DCAF11: variants seen among roughly 807,000 people sequenced by gnomAD.
DCAF11 encodes the protein DDB1- and CUL4-associated factor 11.
In DCAF11, 44 loss-of-function variants were observed where a neutral mutation model predicts 76.1. The observed-to-expected ratio is 0.58, with a 90% CI of 0.45 to 0.74. The LOEUF (loss-of-function observed/expected upper bound fraction) is 0.74, where lower values mean the gene tolerates loss of function less well. DCAF11 is among the 30% of genes least tolerant of loss of function. DCAF11 has a pLI of 0.00. For synonymous variants in DCAF11, 258 were observed against 255.0 expected, an observed-to-expected ratio of 1.01 and a Z score of -0.11; for missense variants, 604 against 709.4, an observed-to-expected ratio of 0.85 and a Z score of 1.69.
At chr14:24,121,213 C>A in intron 12 of DCAF11, 152 bp from the exon 13 acceptor site, 1 of 1,168,416 alleles carries the variant, frequency 8.6e-7, no homozygotes, top group Non-Finnish European at 1.2e-6. Flanking sequence ...ATATTGGAGA[C>A]TGTCCACTGA....
Position 24,122,932 on chromosome 14 carries a change from T to C in DCAF11, c.1400-39T>C, listed in dbSNP as rs763715072. ...GGAGGTGAGGGATAGTTTAGATGTC[T>C]TGTGGTGGTCCCTCTCCACTCTTGC... On this transcript the variant is annotated intron_variant, in intron 13 of 14. Transcript: ENST00000446197. 1.9e-6 allele frequency: 3 copies of C among 1,589,434 alleles called. No individual in the cohort carries two copies. In the African/African-American group the frequency reaches 4.0e-5, roughly 21 times the overall value.
In DCAF11 at chr14:24,117,823, G is replaced by A. The variant is rs2037611285; in HGVS notation, c.476+91G>A. On this transcript the variant is annotated intron_variant, in intron 5 of 14. Transcript: ENST00000446197. This position sits in a 1 kb window ranked among gnomAD's most constrained non-coding sequence, Gnocchi z 4.3. ...GGGTAGGTGTTAAAGGAGCCTCAGAGATATTAAAGGTTAGGTTAAATGGGG... is the reference window on the plus strand; with the variant it reads ...GGGTAGGTGTTAAAGGAGCCTCAGAAATATTAAAGGTTAGGTTAAATGGGG... 1.5e-6 allele frequency: 2 copies of A among 1,340,336 alleles called. No individual in the cohort carries two copies. Among genetic ancestry groups the A allele is most frequent in the South Asian group, 1.3e-5 (1 of 79,038 alleles). 83.0% of individuals were successfully genotyped at this position (1,340,336 alleles called of 1,614,324 possible).
At position 24,120,990 on chromosome 14, in the gene DCAF11, A is replaced by T. The variant is rs143106541; in HGVS notation, c.1245A>T (p.Lys415Asn). ...WDYRWQQVPK[K>N]AWRKLKLPGD... ...ATCGGTGGCAGCAAGTGCCCAAAAA[A>T]GGTGAGACTGGAAGTACAGGCACAG... The change falls in exon 12 of 15, where the codon AAA (lysine) becomes AAT (asparagine). Residue 415 changes from lysine (K) to asparagine (N), a missense_variant and splice_region_variant. Lys to Asn is a moderately conservative substitution (Grantham distance 94). Transcript: ENST00000446197. 3.9e-5 allele frequency: 63 copies of T among 1,614,026 alleles called. No homozygotes were observed. The highest frequency in any genetic ancestry group is 1.6e-4 in the Middle Eastern group (1 of 6,066).
Position 24,124,542 on chromosome 14 carries a change from C to T in DCAF11, c.*1233C>T, listed in dbSNP as rs2037746578. On this transcript the variant is annotated 3_prime_UTR_variant, in exon 15 of 15. Coordinates refer to ENST00000446197, the MANE Select transcript of DCAF11 (RefSeq NM_025230.5). ...CTAAGGCAGTTTTTAAATGAAGGTACACACATCCAGGGGTGTTCACAGGCT... is the reference window on the plus strand; with the variant it reads ...CTAAGGCAGTTTTTAAATGAAGGTATACACATCCAGGGGTGTTCACAGGCT... 2 of 152,260 alleles carry T rather than the reference C, an allele frequency of 1.3e-5. No individual in the cohort carries two copies. Among genetic ancestry groups the T allele is most frequent in the Admixed American group, 1.3e-4 (2 of 15,290 alleles). The allele number at this position is 152,260 out of a possible 1,614,324, so 9.4% of individuals were successfully genotyped here.
At position 24,122,976 on chromosome 14, in the gene DCAF11, G is replaced by A. The variant is rs143139674; in HGVS notation, c.1405G>A (p.Asp469Asn). The change falls in exon 14 of 15, where the codon GAC becomes AAC. Residue 469 changes from aspartate to asparagine, a missense_variant. Physicochemically the swap from Asp to Asn is conservative, Grantham distance 23. Transcript: ENST00000446197. Reference sequence around the variant, plus strand: ...CTCTTGCCTGTCCTGGACAGTGTACGACCTTCTAAGTGGCCACATTGTGAA... The same window carrying A: ...CTCTTGCCTGTCCTGGACAGTGTACAACCTTCTAAGTGGCCACATTGTGAA... ...GCSTGKVVVY[D>N]LLSGHIVKKL... 206 of 1,614,100 alleles carry A rather than the reference G, an allele frequency of 1.3e-4. No individual in the cohort carries two copies. In the Middle Eastern group the frequency reaches 1.3e-3, roughly 10 times the overall value.
At chr14:24,118,198 G>A in intron 6 of DCAF11, 43 bp downstream of exon 6, 1 of 1,582,988 alleles carries the variant, frequency 6.3e-7, no homozygotes, top group Non-Finnish European at 8.7e-7. Flanking sequence ...CCTGGAACAT[G>A]GGACATTCCC....
chr14:24,115,559 C>G lies in DCAF11; in HGVS notation c.-36C>G, dbSNP rs768025696. ...AAACCCAAGGAGGTGACAGGAGGAG[C>G]CCCCGCACAGGACCTAAGAATGCTG... On this transcript the variant is annotated 5_prime_UTR_variant, in exon 2 of 15. Coordinates refer to ENST00000446197, the MANE Select transcript of DCAF11 (RefSeq NM_025230.5). 1 of 1,579,086 alleles carries G rather than the reference C, an allele frequency of 6.3e-7. No homozygotes were observed. The highest frequency in any genetic ancestry group is 8.6e-7 in the Non-Finnish European group (1 of 1,163,136).
chr14:24,121,063 C>T, intron 12 of DCAF11, 72 bp downstream of exon 12: 3 of 1,575,502 alleles, frequency 1.9e-6, no homozygotes, highest in Non-Finnish European at 2.6e-6. Flanking sequence ...CCCCTCAGCC[C>T]TCTTTGCCAG....
Position 24,123,455 on chromosome 14 carries a change from C to A in DCAF11, c.*146C>A. On this transcript the variant is annotated 3_prime_UTR_variant, in exon 15 of 15. Transcript: ENST00000446197. ...CCTGGGCTCTGAGCCTCAGCTGAGC[C>A]CTGGAAGATTCTCCCCATGGGGCAG... 7.8e-7 allele frequency: 1 copy of A among 1,278,078 alleles called. No individual in the cohort carries two copies. Among genetic ancestry groups the A allele is most frequent in the Non-Finnish European group, 1.0e-6 (1 of 977,646 alleles). The allele number at this position is 1,278,078 out of a possible 1,614,324, so 79.2% of individuals were successfully genotyped here.
chr14:24,115,577 G>A lies in DCAF11; in HGVS notation c.-18G>A, dbSNP rs1205498292. 2 of 1,607,134 alleles carry A rather than the reference G, an allele frequency of 1.2e-6. No individual in the cohort carries two copies. The highest frequency in any genetic ancestry group is 2.2e-5 in the South Asian group (2 of 90,112). On this transcript the variant is annotated 5_prime_UTR_variant, in exon 2 of 15. Transcript: ENST00000446197. ...GGAGGAGCCCCCGCACAGGACCTAA[G>A]AATGCTGTGACCAGAAGATGGGATC...
rs1174881258 is a variant in DCAF11 at position 24,115,667 on chromosome 14, G to A, written c.73G>A (p.Ala25Thr). 1.2e-6 allele frequency: 2 copies of A among 1,613,774 alleles called. No individual in the cohort carries two copies. Among genetic ancestry groups the A allele is most frequent in the Non-Finnish European group, 1.7e-6 (2 of 1,180,002 alleles). ...CTCCGAGGGCTTGCCCCGAAGAGGG[G>A]CTGGCCTGCGTCGGAGTGAGGAAGA... ...DPSEGLPRRGAGLRRSEEEEE... is the reference protein window; with the variant it reads ...DPSEGLPRRGTGLRRSEEEEE... The change falls in exon 2 of 15, where the codon GCT becomes ACT. Residue 25 changes from alanine to threonine, a missense_variant. Transcript: ENST00000446197.
intron 13 of DCAF11, 66 bp from the exon 14 acceptor site, chr14:24,122,905 G>A: frequency 1.4e-6 from 2 of 1,450,080 alleles, no homozygotes; most frequent in South Asian, 2.5e-5. Flanking sequence ...TGCTACTCAT[G>A]GGGAGGTGAG....
intron 2 of DCAF11, among the ~76,000 whole-genome samples, chr14:24,116,128 G>A (rs1029624037): frequency 6.6e-6 from 1 of 151,822 alleles, no homozygotes; most frequent in East Asian, 1.9e-4. Flanking sequence ...TTTTAGTAAG[G>A]CAGTTGACAC....
intron 8 of DCAF11, 169 bp from the exon 9 acceptor site, chr14:24,118,975 AG>A (rs1327568837): frequency 3.6e-6 from 4 of 1,124,342 alleles, no homozygotes; most frequent in Non-Finnish European, 3.9e-6. Flanking sequence ...TGGGTAAAAT[AG>A]ATGGTTGCAG....
chr14:24,123,741 T>A lies in DCAF11; in HGVS notation c.*432T>A, dbSNP rs188859600. On this transcript the variant is annotated 3_prime_UTR_variant, in exon 15 of 15. Coordinates refer to ENST00000446197, the MANE Select transcript of DCAF11 (RefSeq NM_025230.5). The stretch of plus-strand genomic sequence containing the variant: ...ATCACAGGACAGGTGTCCTGGCCTT[T>A]CTTCCTGAGGTCTCTAGGGGAGGGG... The A allele has an allele frequency of 6.3e-6, 1 of 158,854 alleles. No homozygotes were observed. The highest frequency in any genetic ancestry group is 6.4e-5 in the Admixed American group (1 of 15,722). The allele number at this position is 158,854 out of a possible 1,614,324, so 9.8% of individuals were successfully genotyped here. A position where few individuals can be genotyped will look rare whatever the true frequency, so the allele number is the denominator to read the frequency against.
chr14:24,120,283 G>T (rs879380584), intron 11 of DCAF11, among the ~76,000 whole-genome samples: 26 of 151,970 alleles, frequency 1.7e-4, no homozygotes, highest in Admixed American at 5.2e-4. Flanking sequence ...AAGGCCAGAT[G>T]CCGTGGCTCA....
chr14:24,117,053 A>G lies in DCAF11; in HGVS notation c.283+9A>G, dbSNP rs1263081129. ...TCGATACAACCCACCTGGTAAGAGGAAAAGCCCCTAATGTTGGAAGACTTT... is the reference window on the plus strand; with the variant it reads ...TCGATACAACCCACCTGGTAAGAGGGAAAGCCCCTAATGTTGGAAGACTTT... On this transcript the variant is annotated intron_variant, in intron 3 of 14. Coordinates refer to ENST00000446197, the MANE Select transcript of DCAF11 (RefSeq NM_025230.5). The surrounding 1 kb of genome is among the most constrained non-coding windows in gnomAD (Gnocchi z 4.3). 2 of 1,614,196 alleles carry G rather than the reference A, an allele frequency of 1.2e-6. No homozygotes were observed. Among genetic ancestry groups the G allele is most frequent in the Admixed American group, 3.3e-5 (2 of 60,010 alleles).
intron 6 of DCAF11, 53 bp downstream of exon 6, chr14:24,118,208 C>A: frequency 6.3e-7 from 1 of 1,575,762 alleles, no homozygotes; most frequent in Non-Finnish European, 8.7e-7. Flanking sequence ...GGGACATTCC[C>A]CCTGACTGAG....
At position 24,114,825 on chromosome 14, in the gene DCAF11, A is replaced by G; in HGVS notation, c.-682A>G. The G allele has an allele frequency of 1.0e-6, 1 of 985,948 alleles. No homozygotes were observed. The highest frequency in any genetic ancestry group is 1.2e-6 in the Non-Finnish European group (1 of 829,958). 61.1% of individuals were successfully genotyped at this position (985,948 alleles called of 1,614,324 possible). A position where few individuals can be genotyped will look rare whatever the true frequency, so the allele number is the denominator to read the frequency against. On this transcript the variant is annotated 5_prime_UTR_variant, in exon 1 of 15. Transcript: ENST00000446197. The stretch of plus-strand genomic sequence containing the variant: ...CCAGGAAGCCGCGAGATGCGTGACG[A>G]GCGAAGCGCGTGACGGAGGAGCGGT...
Sources: allele counts gnomAD v4.1 joint callset (sites outside exome capture counted in the v4.1 genomes callset), GRCh38; gene constraint gnomAD v4.1.1; non-coding constraint Gnocchi (gnomAD v3.1); transcripts MANE v1.5; gene names NCBI Gene and HGNC (gene_info 2026-07-23, HGNC 2026-07-21).